Variants in ARID3A observed in about 807,000 individuals in gnomAD.
ARID3A encodes AT-rich interaction domain 3A, also known as AT-rich interactive domain-containing protein 3A.
ARID3A carries 11 observed loss-of-function variants against 52.7 expected under a neutral mutation model. That is an observed-to-expected ratio of 0.21 (90% confidence interval 0.13 to 0.35). ARID3A has a LOEUF of 0.35. Ranked by LOEUF, ARID3A falls within the 10% of genes least tolerant of loss-of-function variation. ARID3A has a pLI of 1.00. For missense variants in ARID3A, 721 were observed against 838.5 expected (o/e 0.86, Z 1.73); for synonymous variants, 404 against 359.4 (o/e 1.12, Z -1.40).
In ARID3A at chr19:959,587, T is replaced by G. The variant is rs1284687980; in HGVS notation, c.694-505T>G. ...CCCTGAAGAGAAGTTGGTTTTGGAC[T>G]TCTGGGCTCCGGGACCGCGGGAGAA... On this transcript the variant is annotated intron_variant, in intron 3 of 8. Coordinates refer to ENST00000263620, the MANE Select transcript of ARID3A (RefSeq NM_005224.3). The surrounding 1 kb of genome is among the most constrained non-coding windows in gnomAD (Gnocchi z 5.0). Among the ~76,000 whole-genome samples, 1 of 152,158 alleles carries G rather than the reference T, an allele frequency of 6.6e-6. No individual in the cohort carries two copies. Among genetic ancestry groups the G allele is most frequent in the Non-Finnish European group, 1.5e-5 (1 of 68,024 alleles).
chr19:964,429 C>A lies in ARID3A; in HGVS notation c.948C>A (p.Thr316=). 1 of 1,592,904 alleles carries A rather than the reference C, an allele frequency of 6.3e-7. No homozygotes were observed. The highest frequency in any genetic ancestry group is 8.5e-7 in the Non-Finnish European group (1 of 1,169,632). Reference sequence around the variant, plus strand: ...CCAGTGCAGCCTTCACCCTGCGGACCCAGTGAGTGGCGGACGGTTGTGCCG... The same window carrying A: ...CCAGTGCAGCCTTCACCCTGCGGACACAGTGAGTGGCGGACGGTTGTGCCG... The part of the protein sequence containing the change: ...SITSAAFTLR[T]QYMKYLYPYE... Residue 316 remains threonine, a splice_region_variant and synonymous_variant, in exon 5 of 9, where the codon ACC becomes ACA. Coordinates refer to ENST00000263620, the MANE Select transcript of ARID3A (RefSeq NM_005224.3). The surrounding 1 kb of genome is among the most constrained non-coding windows in gnomAD (Gnocchi z 5.7).
In ARID3A at chr19:971,933, AGGCGGC is replaced by A. The variant is rs753131507; in HGVS notation, c.1663_1668del (p.Gly555_Gly556del). 6.4e-7 allele frequency: 1 copy of A among 1,572,624 alleles called. No individual in the cohort carries two copies. Among genetic ancestry groups the A allele is most frequent in the African/African-American group, 1.4e-5 (1 of 72,094 alleles). ...CGCCAACCTCTGCTCCCAACAAAGG[AGGCGGC>A]GGCGGCGGCGGCAGCAGCAGCAACG... On this transcript the variant is annotated inframe_deletion, in exon 9 of 9. Transcript: ENST00000263620.
At position 938,614 on chromosome 19, in the gene ARID3A, T is replaced by C. The variant is rs1306997810; in HGVS notation, c.693+5872T>C. Among the ~76,000 whole-genome samples the C allele has an allele frequency of 6.6e-6, 1 of 152,204 alleles. No homozygotes were observed. The highest frequency in any genetic ancestry group is 1.9e-4 in the East Asian group (1 of 5,192). ...CCTCCGTTTTTCTTTTTGTCTGGAA[T>C]GAAAGTGGTTAGACCAGGCCAGACC... On this transcript the variant is annotated intron_variant, in intron 3 of 8. Coordinates refer to ENST00000263620, the MANE Select transcript of ARID3A (RefSeq NM_005224.3). This position sits in a 1 kb window ranked among gnomAD's most constrained non-coding sequence, Gnocchi z 4.0.
intron 4 of ARID3A, among the ~76,000 whole-genome samples, chr19:961,546 G>A (rs1046467993): frequency 1.1e-4 from 17 of 152,172 alleles, no homozygotes; most frequent in African/African-American, 9.7e-5. Flanking sequence ...GTGGGGCTCC[G>A]AGCTCCTGGG....
Position 932,509 on chromosome 19 carries a change from G to A in ARID3A, c.460G>A (p.Glu154Lys), listed in dbSNP as rs1204761231. The change falls in exon 3 of 9, where the codon GAG becomes AAG. Residue 154 changes from glutamate (E) to lysine (K), a missense_variant. By Grantham distance (56) the Glu-to-Lys change is moderately conservative. Coordinates refer to ENST00000263620, the MANE Select transcript of ARID3A (RefSeq NM_005224.3). ...GGATTACGAGGATGAGGAGGAGGAG[G>A]AGGACGAGGAGGGGCTGGGCCCCCC... ...EEDYEDEEEE[E>K]DEEGLGPPGP... is the part of the protein sequence containing the mutation. 3 of 1,544,996 alleles carry A rather than the reference G, an allele frequency of 1.9e-6. No homozygotes were observed. The highest frequency in any genetic ancestry group is 2.6e-6 in the Non-Finnish European group (3 of 1,150,688).
chr19:926,876 G>T (rs936387099), intron 1 of ARID3A, among the ~76,000 whole-genome samples: 9 of 151,416 alleles, frequency 5.9e-5, no homozygotes, highest in African/African-American at 2.0e-4. Context: ...GCTCGGGCTG[G>T]AGGGGTTCCC....
chr19:938,565 C>A lies in ARID3A; in HGVS notation c.693+5823C>A, dbSNP rs542560250. ...ATGGCCCAGGGAGCTGCTGGTGGGA[C>A]GGTTTTGGGGAAGCTCAGCTGCCCC... On this transcript the variant is annotated intron_variant, in intron 3 of 8. Coordinates refer to ENST00000263620, the MANE Select transcript of ARID3A (RefSeq NM_005224.3). This position sits in a 1 kb window ranked among gnomAD's most constrained non-coding sequence, Gnocchi z 4.0. Among the ~76,000 whole-genome samples the A allele has an allele frequency of 2.0e-5, 3 of 152,192 alleles. No individual in the cohort carries two copies. Among genetic ancestry groups the A allele is most frequent in the African/African-American group, 7.2e-5 (3 of 41,440 alleles).
rs1253752108 is a variant in ARID3A, at chr19:972,234, T to G, written c.*169T>G. ...AGAAAAGAAAAAAGATATATATATA[T>G]ATATATATATATACACGTATATATA... On this transcript the variant is annotated 3_prime_UTR_variant, in exon 9 of 9. Coordinates refer to ENST00000263620, the MANE Select transcript of ARID3A (RefSeq NM_005224.3). The G allele has an allele frequency of 4.7e-6, 1 of 213,292 alleles. No homozygotes were observed. The highest frequency in any genetic ancestry group is 9.3e-6 in the Non-Finnish European group (1 of 107,014). 13.2% of individuals were successfully genotyped at this position (213,292 alleles called of 1,614,324 possible).
rs1199506870 is a variant in ARID3A at position 929,983 on chromosome 19, T to C, written c.368+87T>C. Reference sequence around the variant, plus strand: ...CTCATCTGCAGAATGGGAGTAAGGGTCAGGTCGCGGGATCTCCTTCCTGTA... The same window carrying C: ...CTCATCTGCAGAATGGGAGTAAGGGCCAGGTCGCGGGATCTCCTTCCTGTA... On this transcript the variant is annotated intron_variant, in intron 2 of 8. Transcript: ENST00000263620. This position sits in a 1 kb window ranked among gnomAD's most constrained non-coding sequence, Gnocchi z 6.2. 2.0e-6 allele frequency: 3 copies of C among 1,495,532 alleles called. No homozygotes were observed. Among genetic ancestry groups the C allele is most frequent in the Non-Finnish European group, 2.7e-6 (3 of 1,121,640 alleles). The allele number at this position is 1,495,532 out of a possible 1,614,324, so 92.6% of individuals were successfully genotyped here. A position where few individuals can be genotyped will look rare whatever the true frequency, so the allele number is the denominator to read the frequency against.
rs1350626970 is a variant in ARID3A at position 959,514 on chromosome 19, C to T, written c.694-578C>T. Among the ~76,000 whole-genome samples the T allele has an allele frequency of 6.6e-6, 1 of 152,090 alleles. No individual in the cohort carries two copies. Among genetic ancestry groups the T allele is most frequent in the African/African-American group, 2.4e-5 (1 of 41,400 alleles). ...CTGGTCTTGAATTCCCGGGCTCAAGCGATTCACCCGCCTCCCAAGGTGCTG... is the reference window on the plus strand; with the variant it reads ...CTGGTCTTGAATTCCCGGGCTCAAGTGATTCACCCGCCTCCCAAGGTGCTG... On this transcript the variant is annotated intron_variant, in intron 3 of 8. Transcript: ENST00000263620. The surrounding 1 kb of genome is among the most constrained non-coding windows in gnomAD (Gnocchi z 5.0).
At position 975,250 on chromosome 19, in the gene ARID3A, G is replaced by A. The variant is rs2038356363; in HGVS notation, c.*3185G>A. On this transcript the variant is annotated 3_prime_UTR_variant, in exon 9 of 9. Transcript: ENST00000263620. Reference sequence around the variant, plus strand: ...CTGCGTACTGAGTGGGTGCCCCACAGTCAAGGCCAACGGGGGCTCCCCCTG... The same window carrying A: ...CTGCGTACTGAGTGGGTGCCCCACAATCAAGGCCAACGGGGGCTCCCCCTG... The A allele has an allele frequency of 4.3e-6, 1 of 230,742 alleles. No individual in the cohort carries two copies. The highest frequency in any genetic ancestry group is 2.2e-5 in the African/African-American group (1 of 45,200). The allele number at this position is 230,742 out of a possible 1,614,324, so 14.3% of individuals were successfully genotyped here.
At chr19:939,425 C>T (rs2037501007) in intron 3 of ARID3A, among the ~76,000 whole-genome samples, 1 of 152,170 alleles carries the variant, frequency 6.6e-6, no homozygotes, top group African/African-American at 2.4e-5. Context: ...CCTCTCGATA[C>T]ACTTTTGGTT....
At position 938,284 on chromosome 19, in the gene ARID3A, A is replaced by G. The variant is rs1030061472; in HGVS notation, c.693+5542A>G. Among the ~76,000 whole-genome samples the G allele has an allele frequency of 2.0e-5, 3 of 152,192 alleles. No individual in the cohort carries two copies. The highest frequency in any genetic ancestry group is 7.2e-5 in the African/African-American group (3 of 41,440). ...GCCCATGTAACTTGCAGATGAGCTC[A>G]GAGGTGTAGGAATGACGGCACTAGC... is the stretch of plus-strand genomic sequence containing the variant. On this transcript the variant is annotated intron_variant, in intron 3 of 8. Transcript: ENST00000263620. This position sits in a 1 kb window ranked among gnomAD's most constrained non-coding sequence, Gnocchi z 4.0.
At chr19:927,234 C>A (rs981761838) in intron 1 of ARID3A, among the ~76,000 whole-genome samples, 1 of 152,116 alleles carries the variant, frequency 6.6e-6, no homozygotes, top group Non-Finnish European at 1.5e-5. Context: ...CCTGGTCCAA[C>A]GACCACCCAG....
intron 1 of ARID3A, chr19:928,536 C>T (rs1020281147): frequency 1.3e-5 from 2 of 152,140 alleles, no homozygotes; most frequent in African/African-American, 4.8e-5. Context: ...GTCACCCAGA[C>T]CTGGGTTCAA....
chr19:950,098 T>G (rs1298935054), intron 3 of ARID3A, among the ~76,000 whole-genome samples: 1 of 98,118 alleles, frequency 1.0e-5, no homozygotes, highest in African/African-American at 4.0e-5. Flanking sequence ...AGTGAACGGA[T>G]GGATGAGGCC....
chr19:927,709 C>T (rs1237670710), intron 1 of ARID3A, among the ~76,000 whole-genome samples: 1 of 151,900 alleles, frequency 6.6e-6, no homozygotes, highest in African/African-American at 2.4e-5. Flanking sequence ...GGGGGGTGAC[C>T]TCCAGCCTGG....
intron 2 of ARID3A, among the ~76,000 whole-genome samples, chr19:931,781 C>T (rs1201865820): frequency 4.6e-5 from 7 of 151,830 alleles, no homozygotes; most frequent in South Asian, 4.2e-4. Flanking sequence ...CCGTTGCACT[C>T]CAGCCTGGAC....
intron 4 of ARID3A, among the ~76,000 whole-genome samples, chr19:961,035 G>C (rs116448036): frequency 0.011 from 1,679 of 152,278 alleles, 38 homozygotes; most frequent in African/African-American, 0.038. Context: ...CGGCCGGAGA[G>C]GGTCCTAGGA....
Sources: allele counts gnomAD v4.1 joint callset (sites outside exome capture counted in the v4.1 genomes callset), GRCh38; gene constraint gnomAD v4.1.1; non-coding constraint Gnocchi (gnomAD v3.1); transcripts MANE v1.5; gene names NCBI Gene and HGNC (gene_info 2026-07-23, HGNC 2026-07-21).